SLC20A2: variants seen among roughly 807,000 people sequenced by gnomAD.
The protein encoded by SLC20A2 is solute carrier family 20 member 2.
In SLC20A2, 30 loss-of-function variants were observed where a neutral mutation model predicts 61.0. That is an observed-to-expected ratio of 0.49 (90% CI 0.37 to 0.67). The LOEUF (loss-of-function observed/expected upper bound fraction) is 0.67, where lower values mean the gene tolerates loss of function less well. SLC20A2 is among the 30% of genes least tolerant of loss of function. SLC20A2 has a pLI of 0.00. For missense variants in SLC20A2, 626 were observed against 866.4 expected (o/e 0.72, Z 3.48); for synonymous variants, 351 against 353.3 (o/e 0.99, Z 0.07).
intron 1 of SLC20A2, among the ~76,000 whole-genome samples, chr8:42,492,925 C>T (rs796971238): frequency 5.9e-5 from 9 of 152,336 alleles, no homozygotes; most frequent in African/African-American, 1.9e-4. Flanking sequence ...TCGTGATCCA[C>T]CCACCTCAGC....
intron 1 of SLC20A2, chr8:42,538,422 TCA>T (rs1162662238): frequency 6.6e-6 from 1 of 152,158 alleles, no homozygotes; most frequent in East Asian, 1.9e-4. Context: ...AGATTCACTG[TCA>T]CAGAGTGTGG....
intron 1 of SLC20A2, among the ~76,000 whole-genome samples, chr8:42,492,759 G>A (rs1809620086): frequency 1.3e-5 from 2 of 151,866 alleles, no homozygotes; most frequent in Admixed American, 1.3e-4. Context: ...CGCCATCTCG[G>A]CTCACTGCAA....
chr8:42,518,094 C>G (rs1047474991), intron 1 of SLC20A2, among the ~76,000 whole-genome samples: 1 of 152,210 alleles, frequency 6.6e-6, no homozygotes, highest in African/African-American at 2.4e-5. Context: ...GTGCGTGCCA[C>G]CACGCCCAGC....
At chr8:42,488,930 GT>G (rs1563516699) in intron 1 of SLC20A2, among the ~76,000 whole-genome samples, 2 of 129,052 alleles carry the variant, frequency 1.5e-5, no homozygotes, top group South Asian at 5.2e-4. Context: ...AGTTATAGGA[GT>G]TTTGTTTTTT....
chr8:42,424,812 G>A (rs748529249), intron 10 of SLC20A2, among the ~76,000 whole-genome samples: 2 of 152,164 alleles, frequency 1.3e-5, no homozygotes, highest in South Asian at 2.1e-4. Flanking sequence ...TTGGGAGGCC[G>A]AGGCAGGCAG....
chr8:42,489,445 C>T (rs1809341209), intron 1 of SLC20A2, among the ~76,000 whole-genome samples: 1 of 151,232 alleles, frequency 6.6e-6, no homozygotes, highest in Non-Finnish European at 1.5e-5. Flanking sequence ...CCCCACCCCG[C>T]CCCATGTGTG....
chr8:42,439,067 T>C (rs1322623557), intron 7 of SLC20A2, among the ~76,000 whole-genome samples: 1 of 152,190 alleles, frequency 6.6e-6, no homozygotes, highest in East Asian at 1.9e-4. Flanking sequence ...GACCACCTCC[T>C]TGGTTACAAA....
chr8:42,539,514 C>T (rs1323623978), intron 1 of SLC20A2, among the ~76,000 whole-genome samples: 1 of 152,224 alleles, frequency 6.6e-6, no homozygotes, highest in African/African-American at 2.4e-5. Context: ...CTTAGACACA[C>T]AAATCTTTCA....
intron 10 of SLC20A2, among the ~76,000 whole-genome samples, chr8:42,426,698 CAAAACA>C (rs1212048557): frequency 2.3e-5 from 2 of 88,328 alleles, no homozygotes; most frequent in East Asian, 1.2e-3. Context: ...ATCTCAAAAA[CAAAACA>C]AAACAAAACA....
chr8:42,456,920 T>G (rs906482412), intron 5 of SLC20A2, among the ~76,000 whole-genome samples: 3 of 150,672 alleles, frequency 2.0e-5, no homozygotes, highest in Admixed American at 6.9e-5. Flanking sequence ...TAAAACAAAT[T>G]TTTTTGTTTT....
At chr8:42,519,780 T>C (rs1483017492) in intron 1 of SLC20A2, among the ~76,000 whole-genome samples, 1 of 152,188 alleles carries the variant, frequency 6.6e-6, no homozygotes, top group Non-Finnish European at 1.5e-5. Context: ...CTTAAATTTA[T>C]GGCTGTCATA....
At chr8:42,442,002 C>A (rs1000111559) in intron 6 of SLC20A2, among the ~76,000 whole-genome samples, 2 of 148,912 alleles carry the variant, frequency 1.3e-5, no homozygotes, top group African/African-American at 2.6e-5. Context: ...GGCACAATCT[C>A]GGCTCAATGC....
intron 1 of SLC20A2, among the ~76,000 whole-genome samples, chr8:42,483,823 G>A (rs1012635442): frequency 2.0e-5 from 3 of 152,168 alleles, no homozygotes; most frequent in Admixed American, 6.5e-5. Flanking sequence ...TAAGTTCCAA[G>A]AGCTATATTA....
At chr8:42,484,829 G>T in intron 1 of SLC20A2, 1 of 331,762 alleles carries the variant, frequency 3.0e-6, no homozygotes, top group East Asian at 8.9e-5. Context: ...AGACCCCGAG[G>T]GCATCCAGCC....
intron 1 of SLC20A2, among the ~76,000 whole-genome samples, chr8:42,530,738 GAC>G (rs1812267205): frequency 1.3e-5 from 2 of 152,114 alleles, no homozygotes; most frequent in Admixed American, 6.6e-5. Context: ...TTGTTTTTGA[GAC>G]AGTCTTACTC....
At chr8:42,495,024 T>A (rs1398638762) in intron 1 of SLC20A2, among the ~76,000 whole-genome samples, 2 of 134,144 alleles carry the variant, frequency 1.5e-5, no homozygotes, top group Non-Finnish European at 3.1e-5. Flanking sequence ...TTTTTTTGTA[T>A]TTTTTTTTTT....
chr8:42,539,363 T>C (rs949162439), intron 1 of SLC20A2, among the ~76,000 whole-genome samples: 20 of 152,212 alleles, frequency 1.3e-4, no homozygotes, highest in African/African-American at 4.8e-4. Flanking sequence ...CCTACACAAA[T>C]CATTAAATTC....
At chr8:42,487,191 T>G (rs1028612927) in intron 1 of SLC20A2, among the ~76,000 whole-genome samples, 3 of 147,986 alleles carry the variant, frequency 2.0e-5, no homozygotes, top group Non-Finnish European at 4.5e-5. Context: ...TTTTTTTTTT[T>G]TTTTGAGACA....
At chr8:42,506,385 T>G (rs1810711527) in intron 1 of SLC20A2, among the ~76,000 whole-genome samples, 1 of 152,176 alleles carries the variant, frequency 6.6e-6, no homozygotes, top group Non-Finnish European at 1.5e-5. Context: ...GGGGATAATG[T>G]TGCTGACATC....
Sources: allele counts gnomAD v4.1 joint callset (sites outside exome capture counted in the v4.1 genomes callset), GRCh38; gene constraint gnomAD v4.1.1; transcripts MANE v1.5; gene names NCBI Gene and HGNC (gene_info 2026-07-23, HGNC 2026-07-21).